The following SSBP3 variants were observed in gnomAD, a reference collection of about 807,000 sequenced individuals.
The protein encoded by SSBP3 is single stranded DNA binding protein 3, also known as single-stranded DNA-binding protein 3.
SSBP3 carries 5 observed loss-of-function variants against 69.6 expected under a neutral mutation model. The observed-to-expected ratio is 0.07, with a 90% CI of 0.04 to 0.15. The LOEUF (loss-of-function observed/expected upper bound fraction) is 0.15. SSBP3 is among the 10% of genes least tolerant of loss of function. The pLI is 1.00. For missense variants in SSBP3, 312 were observed against 534.0 expected (o/e 0.58, Z 4.10); for synonymous variants, 196 against 193.4 (o/e 1.01, Z -0.11).
At position 54,282,844 on chromosome 1, in the gene SSBP3, G is replaced by T. The variant is rs183087603; in HGVS notation, c.277-1317C>A. On this transcript the variant is annotated intron_variant, in intron 4 of 17. Transcript: ENST00000610401. ...ACTTGGTCATCAATCATCTCCCAGG[G>T]TTCTGATTCTCTGAAAGAGGAATGA... Among the ~76,000 whole-genome samples, 598 of 152,310 alleles carry T rather than the reference G, an allele frequency of 3.9e-3. 5 individuals carry two copies. Among genetic ancestry groups the T allele is most frequent in the Non-Finnish European group, 5.8e-3 (392 of 68,030 alleles).
intron 4 of SSBP3, among the ~76,000 whole-genome samples, chr1:54,392,856 T>C (rs1648593974): frequency 6.6e-6 from 1 of 152,120 alleles, no homozygotes; most frequent in African/African-American, 2.4e-5. Context: ...TAACTCTCCT[T>C]CCAGGCAGCT....
intron 17 of SSBP3, 28 bp from the exon 18 acceptor site, chr1:54,227,188 G>A (rs112173146): frequency 8.6e-6 from 9 of 1,041,930 alleles, no homozygotes; most frequent in Admixed American, 3.7e-5. Context: ...AGAAGGGGGG[G>A]GGGTGAGGAT....
rs1390394980 is a variant in SSBP3, at chr1:54,240,099, CGTGTGCGTGCGCGCGCGCGCGCA to C, written c.856+783_856+805del. Among the ~76,000 whole-genome samples, 42 of 105,330 alleles carry C rather than the reference CGTGTGCGTGCGCGCGCGCGCGCA, an allele frequency of 4.0e-4. 3 individuals carry two copies. The highest frequency in any genetic ancestry group is 1.2e-3 in the East Asian group (3 of 2,498). The allele number at this position is 105,330 out of a possible 152,430, so 69.1% of individuals were successfully genotyped here. A position where few individuals can be genotyped will look rare whatever the true frequency, so the allele number is the denominator to read the frequency against. On this transcript the variant is annotated intron_variant, in intron 13 of 17. Coordinates refer to ENST00000610401, the Ensembl canonical transcript of SSBP3. ...GTGTGTGTGTGTGTGCGCGCGCGCG[CGTGTGCGTGCGCGCGCGCGCGCA>C]ACACATGCCCACGTATGTGCACGCA...
At chr1:54,376,009 A>T (rs1353563104) in intron 4 of SSBP3, among the ~76,000 whole-genome samples, 3 of 150,146 alleles carry the variant, frequency 2.0e-5, no homozygotes, top group Non-Finnish European at 4.4e-5. Flanking sequence ...CAGGGCAGGG[A>T]GGGAGGGGGA....
intron 9 of SSBP3, 126 bp downstream of exon 9, chr1:54,251,490 G>A (rs574201570): frequency 2.3e-4 from 241 of 1,057,478 alleles, no homozygotes; most frequent in Non-Finnish European, 1.0e-4. Flanking sequence ...AGGGGATGCG[G>A]CCATGCCCTT....
intron 3 of SSBP3, among the ~76,000 whole-genome samples, chr1:54,402,561 G>C (rs1304584893): frequency 7.2e-6 from 1 of 138,822 alleles, no homozygotes; most frequent in Non-Finnish European, 1.6e-5. Context: ...GAATTCTTAT[G>C]CAAGAACCAC....
intron 4 of SSBP3, among the ~76,000 whole-genome samples, chr1:54,308,379 A>ATCATGAGG (rs1385862311): frequency 4.0e-5 from 6 of 151,870 alleles, no homozygotes; most frequent in Admixed American, 2.6e-4. Flanking sequence ...AGGTGGGTGG[A>ATCATGAGG]TCATGAGGTC....
At position 54,230,698 on chromosome 1, in the gene SSBP3, C is replaced by A. The variant is rs563324944; in HGVS notation, c.928-1872G>T. 5.3e-5 allele frequency among the ~76,000 whole-genome samples: 8 copies of A among 152,252 alleles called. No individual in the cohort carries two copies. The South Asian group carries it at 1.7e-3, about 32-fold the overall frequency. On this transcript the variant is annotated intron_variant, in intron 14 of 17. Coordinates refer to ENST00000610401, the Ensembl canonical transcript of SSBP3. The stretch of plus-strand genomic sequence containing the variant: ...CTGTCCTCCTCCAACGCCCCCGGCC[C>A]CAGGCAAACACTAATCTACTTTCTG...
At chr1:54,257,932 T>A in intron 6 of SSBP3, 137 bp downstream of exon 6, 3 of 802,556 alleles carry the variant, frequency 3.7e-6, no homozygotes, top group Non-Finnish European at 5.4e-6. Flanking sequence ...AAGAAATTTC[T>A]AAAAAAATTT....
exon 18 of SSBP3, chr1:54,226,246 G>GGAA (rs10625539): frequency 0.46 from 69,677 of 152,446 alleles, 16,232 homozygotes; most frequent in African/African-American, 0.53. Flanking sequence ...GAGAGGAGGA[G>GGAA]GGTGTCCTGG....
chr1:54,408,133 A>G (rs1210213392), upstream of SSBP3, among the ~76,000 whole-genome samples: 1 of 152,122 alleles, frequency 6.6e-6, no homozygotes, highest in African/African-American at 2.4e-5. Flanking sequence ...GCTCCCTTCC[A>G]GGACCCAGCG....
At position 54,347,937 on chromosome 1, in the gene SSBP3, C is replaced by T. The variant is rs916719792; in HGVS notation, c.276+53924G>A. 7.9e-5 allele frequency among the ~76,000 whole-genome samples: 12 copies of T among 152,262 alleles called. No individual in the cohort carries two copies. The South Asian group carries it at 8.3e-4, about 11-fold the overall frequency. The stretch of plus-strand genomic sequence containing the variant: ...CCTAGTTTGTGGTACTTTGTTACTG[C>T]GTCTAGAAAACTAACAGGTCTGGAA... On this transcript the variant is annotated intron_variant, in intron 4 of 17. Transcript: ENST00000610401.
intron 4 of SSBP3, among the ~76,000 whole-genome samples, chr1:54,345,884 G>GT (rs778369489): frequency 7.2e-5 from 11 of 151,838 alleles, no homozygotes; most frequent in Non-Finnish European, 1.5e-4. Context: ...GCTCACGCCT[G>GT]TAATTCCAGC....
chr1:54,244,321 C>G (rs1362304158), intron 9 of SSBP3, among the ~76,000 whole-genome samples: 1 of 152,216 alleles, frequency 6.6e-6, no homozygotes, highest in Non-Finnish European at 1.5e-5. Flanking sequence ...CCAGGCTGGT[C>G]TCGAACTCCT....
chr1:54,227,186 G>GAC, intron 17 of SSBP3, 26 bp from the exon 18 acceptor site: 1 of 1,143,792 alleles, frequency 8.7e-7, no homozygotes, highest in Non-Finnish European at 1.3e-6. Context: ...AGAGAAGGGG[G>GAC]GGGGGTGAGG....
At chr1:54,264,277 G>C (rs1201030024) in intron 5 of SSBP3, among the ~76,000 whole-genome samples, 1 of 152,156 alleles carries the variant, frequency 6.6e-6, no homozygotes, top group Non-Finnish European at 1.5e-5. Flanking sequence ...ACTCTAGCCT[G>C]GGTGACGGTG....
At chr1:54,367,190 G>A (rs766753233) in intron 4 of SSBP3, among the ~76,000 whole-genome samples, 1 of 152,146 alleles carries the variant, frequency 6.6e-6, no homozygotes, top group Non-Finnish European at 1.5e-5. Flanking sequence ...TTTCCAAAAT[G>A]ATCTACTTGG....
intron 4 of SSBP3, among the ~76,000 whole-genome samples, chr1:54,304,649 G>C (rs910587649): frequency 1.3e-5 from 2 of 152,216 alleles, no homozygotes; most frequent in African/African-American, 4.8e-5. Flanking sequence ...GCCACAGGCA[G>C]AGGAGGAACA....
chr1:54,241,386 G>A (rs1265808052), intron 12 of SSBP3, 88 bp downstream of exon 12: 6 of 1,395,044 alleles, frequency 4.3e-6, no homozygotes, highest in Non-Finnish European at 6.1e-6. Context: ...ATGTGTGAAA[G>A]GGAAAGAAAC....
Sources: gnomAD v4.1 joint callset for allele counts (sites outside exome capture counted in the v4.1 genomes callset) on GRCh38, gnomAD v4.1.1 for gene constraint, MANE v1.5 for transcripts, NCBI Gene and HGNC (gene_info 2026-07-23, HGNC 2026-07-21) for gene names.